ATXN2: variants seen among roughly 807,000 people sequenced by gnomAD.
ATXN2 encodes the protein ataxin 2.
ATXN2 carries 37 observed loss-of-function variants against 138.6 expected under a neutral mutation model. The observed-to-expected ratio is 0.27, with a 90% CI of 0.21 to 0.35. ATXN2 has a LOEUF of 0.35. ATXN2 is among the 10% of genes least tolerant of loss of function. The pLI, the probability that ATXN2 is intolerant of heterozygous loss-of-function variation, is 1.00. For missense variants in ATXN2, 1,216 were observed against 1,480.3 expected (o/e 0.82, Z 2.93); for synonymous variants, 549 against 543.7 (o/e 1.01, Z -0.13).
At chr12:111,471,851 ATTACT>A (rs1162572192) in intron 18 of ATXN2, 1 of 152,102 alleles carries the variant, frequency 6.6e-6, no homozygotes, top group Non-Finnish European at 1.5e-5. Context: ...ATTCACTATT[ATTACT>A]TTGTTACTTA....
intron 22 of ATXN2, 107 bp from the exon 23 acceptor site, chr12:111,456,363 A>G (rs1875097570): frequency 8.7e-7 from 1 of 1,147,844 alleles, no homozygotes; most frequent in African/African-American, 1.5e-5. Flanking sequence ...GATGAGGGTC[A>G]CTGGAAAGTA....
At chr12:111,510,029 A>C (rs748084160) in intron 12 of ATXN2, 31 bp from the exon 13 acceptor site, 2 of 1,479,546 alleles carry the variant, frequency 1.4e-6, no homozygotes, top group Non-Finnish European at 1.9e-6. Context: ...AAAAATTCAG[A>C]TAAGTTAGAA....
At chr12:111,465,621 T>G (rs1875937617) in intron 20 of ATXN2, among the ~76,000 whole-genome samples, 1 of 150,994 alleles carries the variant, frequency 6.6e-6, no homozygotes, top group Non-Finnish European at 1.5e-5. Flanking sequence ...AATACAAAAA[T>G]TGGCCGGTCG....
At chr12:111,521,438 G>C (rs916347747) in intron 6 of ATXN2, among the ~76,000 whole-genome samples, 1 of 152,174 alleles carries the variant, frequency 6.6e-6, no homozygotes, top group African/African-American at 2.4e-5. Flanking sequence ...TCCAATGTTT[G>C]GGAGAAAGAA....
intron 5 of ATXN2, among the ~76,000 whole-genome samples, chr12:111,534,060 G>A (rs1297399285): frequency 6.6e-6 from 1 of 151,666 alleles, no homozygotes; most frequent in Non-Finnish European, 1.5e-5. Context: ...GGTCTAGTGA[G>A]TATAAAAATA....
chr12:111,551,759 CA>C (rs1281021766), intron 5 of ATXN2, among the ~76,000 whole-genome samples: 2 of 152,182 alleles, frequency 1.3e-5, no homozygotes, highest in Non-Finnish European at 2.9e-5. Context: ...TAAGAGATCA[CA>C]AAAACTCTAT....
At chr12:111,581,405 AC>A in intron 1 of ATXN2, 1 of 714,326 alleles carries the variant, frequency 1.4e-6, no homozygotes, top group Non-Finnish European at 2.6e-6. Context: ...AAACCTCTTC[AC>A]TCCTGCCAAC....
chr12:111,517,023 T>C (rs950275206), intron 9 of ATXN2, among the ~76,000 whole-genome samples: 3 of 152,124 alleles, frequency 2.0e-5, no homozygotes, highest in African/African-American at 7.2e-5. Context: ...CTCATTAAAC[T>C]AGAAAAAGGG....
chr12:111,520,434 C>A (rs866928027), intron 7 of ATXN2, among the ~76,000 whole-genome samples: 3 of 152,034 alleles, frequency 2.0e-5, no homozygotes, highest in African/African-American at 7.2e-5. Flanking sequence ...AGGTGGATCA[C>A]GAGGTGAAGA....
Position 111,485,311 on chromosome 12 carries a change from C to T in ATXN2, c.2478G>A (p.Met826Ile). 6.2e-7 allele frequency: 1 copy of T among 1,612,512 alleles called. No homozygotes were observed. The highest frequency in any genetic ancestry group is 2.2e-5 in the East Asian group (1 of 44,856). ...PGVQPLYPIP[M>I]TPMPVNQAKT... is the part of the protein sequence containing the mutation. ...TGGCTTGATTCACTGGCATGGGCGTCATAGGTATTGGGTATAAAGGCTTGA... is the reference window on the plus strand; with the variant it reads ...TGGCTTGATTCACTGGCATGGGCGTTATAGGTATTGGGTATAAAGGCTTGA... The change falls in exon 18 of 25, where the codon ATG becomes ATA. Residue 826 changes from methionine to isoleucine, a missense_variant. Physicochemically the swap from Met to Ile is conservative, Grantham distance 10 (BLOSUM62 1). Around this residue, in one of 4 missense-constraint regions of ATXN2, gnomAD observed 490 missense variants for 653.5 expected, o/e 0.75. Coordinates refer to ENST00000673436, the MANE Select transcript of ATXN2 (RefSeq NM_001372574.1).
intron 14 of ATXN2, among the ~76,000 whole-genome samples, chr12:111,495,472 G>A (rs1242826801): frequency 6.6e-6 from 1 of 152,108 alleles, no homozygotes; most frequent in Non-Finnish European, 1.5e-5. Context: ...TAGATTTTGA[G>A]ACAAAGTCTA....
At chr12:111,464,262 G>T (rs2135664724) in intron 21 of ATXN2, among the ~76,000 whole-genome samples, 1 of 149,812 alleles carries the variant, frequency 6.7e-6, no homozygotes, top group Admixed American at 6.7e-5. Flanking sequence ...GTGTGTGTGT[G>T]TGTGTGTGTG....
At chr12:111,481,026 T>C (rs1228651419) in intron 18 of ATXN2, among the ~76,000 whole-genome samples, 2 of 152,130 alleles carry the variant, frequency 1.3e-5, no homozygotes, top group South Asian at 2.1e-4. Flanking sequence ...AGATAACCTA[T>C]AGTCAGGGCA....
chr12:111,545,052 G>T (rs1322936245), intron 5 of ATXN2, among the ~76,000 whole-genome samples: 3 of 151,724 alleles, frequency 2.0e-5, no homozygotes, highest in Non-Finnish European at 4.4e-5. Flanking sequence ...CCAGCTACTC[G>T]GGAGGCTGAG....
At position 111,519,957 on chromosome 12, in the gene ATXN2, T is replaced by C; in HGVS notation, c.908A>G (p.Asp303Gly). ...GTATTTTTCTTCCTCACTCCTATCA[T>C]CATTTTCCAGGGCCACTCGAGCTTT... ...QYKARVALEN[D>G]DRSEEEKYTA... Residue 303 changes from aspartate (D) to glycine (G), a missense_variant, in exon 8 of 25, where the codon GAT (aspartate) becomes GGT (glycine). Coordinates refer to ENST00000673436, the MANE Select transcript of ATXN2 (RefSeq NM_001372574.1). 6.2e-7 allele frequency: 1 copy of C among 1,614,204 alleles called. No individual in the cohort carries two copies. The highest frequency in any genetic ancestry group is 8.5e-7 in the Non-Finnish European group (1 of 1,180,026).
At chr12:111,561,752 T>A (rs1882699647) in intron 1 of ATXN2, among the ~76,000 whole-genome samples, 1 of 151,944 alleles carries the variant, frequency 6.6e-6, no homozygotes, top group Admixed American at 6.5e-5. Flanking sequence ...AAGAATTGCT[T>A]GAACTCAGGA....
chr12:111,505,609 A>G (rs1352947270), intron 14 of ATXN2, among the ~76,000 whole-genome samples: 1 of 152,260 alleles, frequency 6.6e-6, no homozygotes, highest in Admixed American at 6.5e-5. Flanking sequence ...ATCATTAGCC[A>G]TGAAAGAACT....
At chr12:111,573,737 A>G (rs960963934) in intron 1 of ATXN2, among the ~76,000 whole-genome samples, 11 of 152,292 alleles carry the variant, frequency 7.2e-5, no homozygotes, top group Middle Eastern at 3.4e-3. Flanking sequence ...AAGATATACA[A>G]GTAATGCTCT....
At chr12:111,561,635 A>T (rs766431790) in intron 1 of ATXN2, among the ~76,000 whole-genome samples, 5 of 152,124 alleles carry the variant, frequency 3.3e-5, no homozygotes, top group Non-Finnish European at 7.4e-5. Context: ...GGAGTTCAAG[A>T]CCAGCCTAGC....
Sources: allele counts gnomAD v4.1 joint callset (sites outside exome capture counted in the v4.1 genomes callset), GRCh38; gene constraint gnomAD v4.1.1; regional missense constraint gnomAD v4.1.1; transcripts MANE v1.5; gene names NCBI Gene and HGNC (gene_info 2026-07-23, HGNC 2026-07-21).